Variants in PGGT1B observed in about 807,000 individuals in gnomAD.
PGGT1B encodes protein geranylgeranyltransferase type I subunit beta.
PGGT1B carries 30 observed loss-of-function variants against 46.1 expected under a neutral mutation model. That is an observed-to-expected ratio of 0.65 (90% CI 0.49 to 0.88). The LOEUF is 0.88. PGGT1B is among the 40% of genes least tolerant of loss of function. The pLI, the probability that PGGT1B is intolerant of heterozygous loss-of-function variation, is 0.00. For synonymous variants in PGGT1B, 170 were observed against 160.0 expected, an observed-to-expected ratio of 1.06 and a Z score of -0.47; for missense variants, 376 against 455.9, an observed-to-expected ratio of 0.82 and a Z score of 1.60.
At chr5:115,256,199 G>A (rs957872638) in intron 1 of PGGT1B, among the ~76,000 whole-genome samples, 3 of 152,068 alleles carry the variant, frequency 2.0e-5, no homozygotes, top group African/African-American at 7.2e-5. Flanking sequence ...GCATCAAGTG[G>A]GTAAAAGCCA....
chr5:115,231,990 G>A (rs1214364868), intron 5 of PGGT1B, among the ~76,000 whole-genome samples: 2 of 152,050 alleles, frequency 1.3e-5, no homozygotes, highest in East Asian at 3.8e-4. Flanking sequence ...CATTGCTCAT[G>A]TTATTCAGTT....
chr5:115,231,568 T>C (rs1756984857), intron 5 of PGGT1B: 1 of 152,060 alleles, frequency 6.6e-6, no homozygotes, highest in African/African-American at 2.4e-5. Flanking sequence ...AAGCTTCAGA[T>C]TACCTGTCTA....
intron 6 of PGGT1B, among the ~76,000 whole-genome samples, chr5:115,227,568 G>T (rs907446984): frequency 7.2e-5 from 11 of 152,100 alleles, no homozygotes; most frequent in African/African-American, 2.7e-4. Context: ...GTCACAATCT[G>T]GCAGGTGACT....
chr5:115,225,871 A>C (rs1756766088), intron 6 of PGGT1B, among the ~76,000 whole-genome samples: 1 of 151,754 alleles, frequency 6.6e-6, no homozygotes, highest in Non-Finnish European at 1.5e-5. Context: ...CTGGTCCTGA[A>C]CTCCTGACCT....
rs1756122794 is a variant in PGGT1B, at chr5:115,208,271, G to A, written c.*4131C>T. The A allele has an allele frequency of 6.7e-6, 1 of 150,272 alleles. No individual in the cohort carries two copies. The highest frequency in any genetic ancestry group is 2.4e-5 in the African/African-American group (1 of 40,818). The allele number at this position is 150,272 out of a possible 1,614,324, so 9.3% of individuals were successfully genotyped here. A position where few individuals can be genotyped will look rare whatever the true frequency, so the allele number is the denominator to read the frequency against. On this transcript the variant is annotated 3_prime_UTR_variant, in exon 9 of 9. Transcript: ENST00000419445. ...TTTATTTGTTTTTTTTCTTTTTTTGGCACTTTGAGGTTCAAGATTCTTTTC... is the reference window on the plus strand; with the variant it reads ...TTTATTTGTTTTTTTTCTTTTTTTGACACTTTGAGGTTCAAGATTCTTTTC...
At chr5:115,229,324 T>C (rs180897487) in intron 6 of PGGT1B, among the ~76,000 whole-genome samples, 149 of 152,234 alleles carry the variant, frequency 9.8e-4, no homozygotes, top group Middle Eastern at 3.4e-3. Context: ...TAATAACCTA[T>C]TTAAGATATA....
intron 7 of PGGT1B, among the ~76,000 whole-genome samples, chr5:115,219,748 A>G (rs1580746705): frequency 1.3e-5 from 2 of 151,904 alleles, no homozygotes. Context: ...TTATAACAAA[A>G]GAAACCAGAT....
chr5:115,249,055 T>C (rs1054885271), intron 2 of PGGT1B, among the ~76,000 whole-genome samples: 13 of 152,178 alleles, frequency 8.5e-5, no homozygotes, highest in African/African-American at 3.1e-4. Context: ...CAGAAACATA[T>C]TTACTTATGG....
At chr5:115,220,708 G>T (rs1208643912) in intron 7 of PGGT1B, among the ~76,000 whole-genome samples, 2 of 151,834 alleles carry the variant, frequency 1.3e-5, no homozygotes, top group East Asian at 1.9e-4. Flanking sequence ...GATACAACAG[G>T]AAATCACTGG....
At chr5:115,261,790 G>A (rs1257287042) in intron 1 of PGGT1B, among the ~76,000 whole-genome samples, 2 of 152,194 alleles carry the variant, frequency 1.3e-5, no homozygotes, top group African/African-American at 4.8e-5. Flanking sequence ...TTATGTACAT[G>A]CCTGTCTATA....
chr5:115,239,139 G>T (rs1156271506), intron 3 of PGGT1B, among the ~76,000 whole-genome samples: 1 of 151,946 alleles, frequency 6.6e-6, no homozygotes, highest in Non-Finnish European at 1.5e-5. Flanking sequence ...CAAGGCTCAA[G>T]CAATCCTCCT....
At chr5:115,262,034 C>T (rs750551101) in intron 1 of PGGT1B, among the ~76,000 whole-genome samples, 3 of 152,204 alleles carry the variant, frequency 2.0e-5, no homozygotes, top group Non-Finnish European at 4.4e-5. Flanking sequence ...TTCCTCCCAT[C>T]CAGTCTCAAG....
chr5:115,239,951 G>A (rs1315480232), intron 3 of PGGT1B, among the ~76,000 whole-genome samples: 1 of 152,170 alleles, frequency 6.6e-6, no homozygotes, highest in Non-Finnish European at 1.5e-5. Flanking sequence ...TAGTTTGGTG[G>A]CTTCAGAAGA....
At chr5:115,224,667 C>T (rs569469199) in intron 6 of PGGT1B, among the ~76,000 whole-genome samples, 3 of 151,978 alleles carry the variant, frequency 2.0e-5, no homozygotes, top group South Asian at 2.1e-4. Flanking sequence ...CTCAGGAGTT[C>T]GAGACCAGCC....
chr5:115,219,210 T>C (rs888430779), intron 7 of PGGT1B, among the ~76,000 whole-genome samples: 2 of 151,866 alleles, frequency 1.3e-5, no homozygotes, highest in Non-Finnish European at 3.0e-5. Context: ...ACTACAAAGC[T>C]ACAGTAATTA....
At chr5:115,253,320 G>A (rs920646701) in intron 1 of PGGT1B, 65 bp from the exon 2 acceptor site, 2 of 1,288,338 alleles carry the variant, frequency 1.6e-6, no homozygotes, top group Non-Finnish European at 2.1e-6. Flanking sequence ...AGTCTTCCTG[G>A]TCTAGAAAAA....
Position 115,208,646 on chromosome 5 carries a change from C to T in PGGT1B, c.*3756G>A, listed in dbSNP as rs964240715. 2 of 152,004 alleles carry T rather than the reference C, an allele frequency of 1.3e-5. No individual in the cohort carries two copies. Among genetic ancestry groups the T allele is most frequent in the Non-Finnish European group, 2.9e-5 (2 of 67,952 alleles). 9.4% of individuals were successfully genotyped at this position (152,004 alleles called of 1,614,324 possible). On this transcript the variant is annotated 3_prime_UTR_variant, in exon 9 of 9. Transcript: ENST00000419445. ...TTAGCTGGTAGTTTATCTGACTCAA[C>T]TCCCCGCACTACCCATCACCAACTT...
chr5:115,229,651 T>G (rs1284105188), intron 6 of PGGT1B, among the ~76,000 whole-genome samples: 1 of 152,126 alleles, frequency 6.6e-6, no homozygotes, highest in Non-Finnish European at 1.5e-5. Flanking sequence ...GTGAGGTGAC[T>G]CCTTAGCCAG....
chr5:115,223,476 G>C lies in PGGT1B; in HGVS notation c.659-1468C>G, dbSNP rs1364158370. 4.6e-5 allele frequency among the ~76,000 whole-genome samples: 7 copies of C among 152,130 alleles called. No homozygotes were observed. The East Asian group carries it at 7.7e-4, about 17-fold the overall frequency. On this transcript the variant is annotated intron_variant, in intron 6 of 8. Coordinates refer to ENST00000419445, the MANE Select transcript of PGGT1B (RefSeq NM_005023.4). ...AATGCAACTATGGTGCCAGAGATTT[G>C]AGTGTTGTAGCCAATGGTAAGGAAT...
Sources: gnomAD v4.1 joint callset for allele counts (sites outside exome capture counted in the v4.1 genomes callset) on GRCh38, gnomAD v4.1.1 for gene constraint, MANE v1.5 for transcripts, NCBI Gene and HGNC (gene_info 2026-07-23, HGNC 2026-07-21) for gene names.